BIN1: variants seen among roughly 807,000 people sequenced by gnomAD.
BIN1 encodes the protein bridging integrator 1.
BIN1 carries 53 observed loss-of-function variants against 82.0 expected under a neutral mutation model. That is an observed-to-expected ratio of 0.65 (90% confidence interval 0.52 to 0.81). The LOEUF (loss-of-function observed/expected upper bound fraction) is 0.81, where lower values mean the gene tolerates loss of function less well. Ranked by LOEUF, BIN1 falls within the 40% of genes least tolerant of loss-of-function variation. The pLI, the probability that BIN1 is intolerant of heterozygous loss-of-function variation, is 0.00. For missense variants in BIN1, 642 were observed against 784.4 expected, an observed-to-expected ratio of 0.82 and a Z score of 2.17; for synonymous variants, 302 against 328.0, an observed-to-expected ratio of 0.92 and a Z score of 0.86.
At chr2:127,060,241 TA>T (rs1362472702) in intron 10 of BIN1, among the ~76,000 whole-genome samples, 2 of 152,160 alleles carry the variant, frequency 1.3e-5, no homozygotes, top group African/African-American at 2.4e-5. Flanking sequence ...TAGAATTGTT[TA>T]AAAAACAAAA....
At chr2:127,061,718 G>A (rs570118544) in intron 10 of BIN1, among the ~76,000 whole-genome samples, 1 of 152,178 alleles carries the variant, frequency 6.6e-6, no homozygotes, top group Non-Finnish European at 1.5e-5. Context: ...AGGAGCAGGA[G>A]AGGGAAGGGC....
At chr2:127,053,342 G>A (rs1683209435) in intron 14 of BIN1, 80 bp downstream of exon 14, 6 of 1,573,420 alleles carry the variant, frequency 3.8e-6, no homozygotes, top group Non-Finnish European at 5.2e-6. Context: ...CCTGTGAACA[G>A]GCTAGGAGCA....
chr2:127,100,380 T>A (rs1001895266), intron 1 of BIN1, among the ~76,000 whole-genome samples: 3 of 152,174 alleles, frequency 2.0e-5, no homozygotes, highest in Admixed American at 2.0e-4. Flanking sequence ...TCCTTCACCA[T>A]CAGGGCTTTA....
intron 18 of BIN1, 111 bp downstream of exon 18, chr2:127,050,310 G>T: frequency 8.7e-7 from 1 of 1,152,702 alleles, no homozygotes; most frequent in Non-Finnish European, 1.3e-6. Context: ...GAGCCCTGGT[G>T]CTCGCGGGCC....
At chr2:127,055,941 C>T (rs1028994358) in intron 12 of BIN1, 3 of 152,256 alleles carry the variant, frequency 2.0e-5, no homozygotes, top group Non-Finnish European at 2.9e-5. Context: ...AGATGGCACA[C>T]GCGGTGGCCA....
chr2:127,052,088 C>T (rs1187107199), intron 15 of BIN1, among the ~76,000 whole-genome samples, 167 bp downstream of exon 15: 1 of 152,232 alleles, frequency 6.6e-6, no homozygotes, highest in East Asian at 1.9e-4. Context: ...TCCCTGGCAG[C>T]CTTGGTGACA....
chr2:127,053,740 C>T, intron 13 of BIN1, 165 bp downstream of exon 13: 2 of 740,830 alleles, frequency 2.7e-6, no homozygotes, highest in South Asian at 3.4e-5. Flanking sequence ...TCAGGGGCTG[C>T]TTCCTGCCCT....
At chr2:127,099,861 T>G (rs946143771) in intron 1 of BIN1, among the ~76,000 whole-genome samples, 1 of 150,690 alleles carries the variant, frequency 6.6e-6, no homozygotes, top group Non-Finnish European at 1.5e-5. Context: ...CGGAGTGCAG[T>G]GGTGTGATCT....
In BIN1 at chr2:127,061,096, C is replaced by G. The variant is rs78587425; in HGVS notation, c.857+1019G>C. On this transcript the variant is annotated intron_variant, in intron 10 of 18. Coordinates refer to ENST00000316724, the MANE Select transcript of BIN1 (RefSeq NM_139343.3). ...CTGGCCAGGACGGCCCCACTTACCC[C>G]CTGCTGATCCATCCCAGTGTTCCCA... Among the ~76,000 whole-genome samples, 697 of 152,292 alleles carry G rather than the reference C, an allele frequency of 4.6e-3. 6 individuals carry two copies. Among genetic ancestry groups the G allele is most frequent in the African/African-American group, 0.016 (670 of 41,548 alleles).
In BIN1 at chr2:127,062,161, C is replaced by T; in HGVS notation, c.811G>A (p.Glu271Lys). ...AAGGTGTTGCTCCCGTGTTGCTTCT[C>T]CAGGCCGACCAGCACATCATTGAGG... Reference protein sequence around the residue: ...QNLNDVLVGLEKQHGSNTFTV... With the variant: ...QNLNDVLVGLKKQHGSNTFTV... The change falls in exon 10 of 19, where the codon GAG becomes AAG. Residue 271 changes from glutamate (E) to lysine (K), a missense_variant. Glu to Lys is a moderately conservative substitution (Grantham distance 56). Transcript: ENST00000316724. 6.2e-7 allele frequency: 1 copy of T among 1,611,020 alleles called. No homozygotes were observed. Among genetic ancestry groups the T allele is most frequent in the South Asian group, 1.1e-5 (1 of 90,134 alleles).
chr2:127,105,393 T>A (rs1680911062), intron 1 of BIN1, among the ~76,000 whole-genome samples: 1 of 150,874 alleles, frequency 6.6e-6, no homozygotes, highest in Non-Finnish European at 1.5e-5. Flanking sequence ...GGTGGCTGCA[T>A]CTGTGCTGCC....
At chr2:127,084,842 G>A (rs1167580638) in intron 1 of BIN1, among the ~76,000 whole-genome samples, 2 of 152,156 alleles carry the variant, frequency 1.3e-5, no homozygotes, top group Admixed American at 6.5e-5. Context: ...CACTGACTGT[G>A]GGCTGTGGCA....
chr2:127,102,041 G>A (rs902748216), intron 1 of BIN1, among the ~76,000 whole-genome samples: 1 of 152,196 alleles, frequency 6.6e-6, no homozygotes, highest in Non-Finnish European at 1.5e-5. Context: ...CCTGCCTGGG[G>A]CTTTACTTCC....
In BIN1 at chr2:127,053,457, A is replaced by G. The variant is rs1683227155; in HGVS notation, c.1240-12T>C. 2 of 1,613,642 alleles carry G rather than the reference A, an allele frequency of 1.2e-6. No homozygotes were observed. The highest frequency in any genetic ancestry group is 1.7e-6 in the Non-Finnish European group (2 of 1,179,810). ...TCCCATGGAATTGACTGAGCGCAGC[A>G]GTGAGGGCGAGAAGGACAGTTAGCA... On this transcript the variant is annotated splice_polypyrimidine_tract_variant and intron_variant, in intron 13 of 18. Coordinates refer to ENST00000316724, the MANE Select transcript of BIN1 (RefSeq NM_139343.3).
At chr2:127,069,856 G>A (rs901775695) in intron 5 of BIN1, 139 bp downstream of exon 5, 18 of 821,792 alleles carry the variant, frequency 2.2e-5, no homozygotes, top group Middle Eastern at 2.5e-4. Flanking sequence ...GAGCAACCCC[G>A]GAGGGGTGAA....
At chr2:127,089,361 C>T (rs950677125) in intron 1 of BIN1, among the ~76,000 whole-genome samples, 5 of 152,234 alleles carry the variant, frequency 3.3e-5, no homozygotes, top group East Asian at 3.9e-4. Flanking sequence ...CAGGCTGGCG[C>T]GTGTACACAC....
chr2:127,103,514 G>A (rs1411546231), intron 1 of BIN1, among the ~76,000 whole-genome samples: 1 of 152,066 alleles, frequency 6.6e-6, no homozygotes, highest in African/African-American at 2.4e-5. Context: ...CTCAGGACCT[G>A]CCGGGAGGGA....
intron 1 of BIN1, among the ~76,000 whole-genome samples, chr2:127,085,476 G>T (rs886104018): frequency 6.6e-6 from 1 of 152,146 alleles, no homozygotes; most frequent in African/African-American, 2.4e-5. Flanking sequence ...GCCCACACAC[G>T]CTCACACACA....
chr2:127,101,311 C>T (rs2105341527), intron 1 of BIN1, among the ~76,000 whole-genome samples: 1 of 152,326 alleles, frequency 6.6e-6, no homozygotes, highest in South Asian at 2.1e-4. Flanking sequence ...AAGCCATCCT[C>T]CCGTGGGTGC....
Sources: allele counts gnomAD v4.1 joint callset (sites outside exome capture counted in the v4.1 genomes callset), GRCh38; gene constraint gnomAD v4.1.1; transcripts MANE v1.5; gene names NCBI Gene and HGNC (gene_info 2026-07-23, HGNC 2026-07-21).